Variants in MAGEB10 observed in about 807,000 individuals in gnomAD.
MAGEB10 encodes the protein melanoma-associated antigen B10.
For synonymous variants in MAGEB10, 99 were observed against 101.0 expected, an observed-to-expected ratio of 0.98 and a Z score of 0.12; for missense variants, 190 against 261.9, an observed-to-expected ratio of 0.73 and a Z score of 1.89.
intron 2 of MAGEB10, 113 bp downstream of exon 2, chrX:27,817,815 C>T (rs1923808259): frequency 8.9e-6 from 1 of 111,924 alleles, no homozygotes; most frequent in South Asian, 3.7e-4. Context: ...AGGATTTACT[C>T]AGAATGACAA....
At chrX:27,815,072 G>A (rs916934245) in intron 1 of MAGEB10, among the ~76,000 whole-genome samples, 1 of 111,608 alleles carries the variant, frequency 9.0e-6, no homozygotes, top group Non-Finnish European at 1.9e-5. Context: ...TTGCCCAGGT[G>A]CTGGCACCTG....
chrX:27,816,248 A>G (rs762754505), intron 1 of MAGEB10, among the ~76,000 whole-genome samples: 1 of 111,407 alleles, frequency 9.0e-6, no homozygotes, highest in Non-Finnish European at 1.9e-5. Context: ...AATTTTAATT[A>G]TATTTGCAAA....
intron 1 of MAGEB10, among the ~76,000 whole-genome samples, chrX:27,816,639 A>G (rs1377135600): frequency 8.9e-6 from 1 of 112,048 alleles, no homozygotes; most frequent in Non-Finnish European, 1.9e-5. Flanking sequence ...GGTGTTATTG[A>G]GTGCAGCGGG....
chrX:27,820,775 C>T (rs1569213015), intron 2 of MAGEB10, among the ~76,000 whole-genome samples: 1 of 110,814 alleles, frequency 9.0e-6, no homozygotes, highest in Admixed American at 9.6e-5. Context: ...ACTAAGGATC[C>T]CAGAATATAG....
intron 2 of MAGEB10, among the ~76,000 whole-genome samples, chrX:27,819,364 G>T (rs930981722): frequency 9.0e-6 from 1 of 111,486 alleles, no homozygotes; most frequent in Non-Finnish European, 1.9e-5. Context: ...GGCTAGAATT[G>T]GCTTCCCCAA....
chrX:27,821,714 T>C lies in MAGEB10; in HGVS notation c.408T>C (p.Asp136=), dbSNP rs1923892920. 3 of 1,211,856 alleles carry C rather than the reference T, an allele frequency of 2.5e-6. No homozygotes were observed. Among genetic ancestry groups the C allele is most frequent in the Non-Finnish European group, 3.3e-6 (3 of 895,588 alleles). ...YQMKEPITKA[D]MLRNVTQMSK... ...TGAAAGAGCCCATTACAAAGGCAGA[T>C]ATGCTGAGAAATGTAACCCAAATGT... The change falls in exon 3 of 3, where the codon GAT becomes GAC. Residue 136 remains aspartate (D), a synonymous_variant. Coordinates refer to ENST00000356790, the MANE Select transcript of MAGEB10 (RefSeq NM_182506.3).
At chrX:27,817,990 C>T (rs1010188010) in intron 2 of MAGEB10, among the ~76,000 whole-genome samples, 5 of 110,569 alleles carry the variant, frequency 4.5e-5, no homozygotes, top group East Asian at 5.7e-4. Flanking sequence ...CAGAGTTCAG[C>T]GTGGGGTAGC....
chrX:27,819,338 G>C (rs866365845), intron 2 of MAGEB10, among the ~76,000 whole-genome samples: 22 of 111,246 alleles, frequency 2.0e-4, no homozygotes, highest in South Asian at 7.7e-4. Flanking sequence ...CTCAGCACTG[G>C]GTCCCATATG....
At chrX:27,809,191 A>T (rs774171449) in intron 1 of MAGEB10, among the ~76,000 whole-genome samples, 2 of 110,725 alleles carry the variant, frequency 1.8e-5, no homozygotes, top group East Asian at 6.0e-4. Flanking sequence ...GGGACAGCGC[A>T]AGTTCCCGGT....
chrX:27,810,258 G>A (rs1923651571), intron 1 of MAGEB10, among the ~76,000 whole-genome samples: 1 of 111,739 alleles, frequency 8.9e-6, no homozygotes, highest in African/African-American at 3.3e-5. Context: ...ACGAGCGAAG[G>A]TCTGCAGCTT....
At chrX:27,818,015 G>C (rs930604572) in intron 2 of MAGEB10, among the ~76,000 whole-genome samples, 1 of 110,636 alleles carries the variant, frequency 9.0e-6, no homozygotes, top group Non-Finnish European at 1.9e-5. Flanking sequence ...GGACAAGAAG[G>C]AGTAAAGATG....
chrX:27,810,575 C>T (rs775264927), intron 1 of MAGEB10, among the ~76,000 whole-genome samples: 2 of 111,310 alleles, frequency 1.8e-5, no homozygotes, highest in Admixed American at 9.5e-5. Context: ...GCCCAGGTGA[C>T]CCCTCGCTTC....
At chrX:27,808,498 G>A (rs892551351) in intron 1 of MAGEB10, among the ~76,000 whole-genome samples, 5 of 111,598 alleles carry the variant, frequency 4.5e-5, no homozygotes, top group Admixed American at 9.4e-5. Context: ...GCAGTGAGGC[G>A]GTTGGTATCT....
chrX:27,821,733 C>G lies in MAGEB10; in HGVS notation c.427C>G (p.Gln143Glu), dbSNP rs759188030. ...TKADMLRNVT[Q>E]MSKSQFPVIL... ...GGCAGATATGCTGAGAAATGTAACC[C>G]AAATGTCCAAGAGCCAGTTCCCTGT... The change falls in exon 3 of 3, where the codon CAA (glutamine) becomes GAA (glutamate). Residue 143 changes from glutamine to glutamate, a missense_variant. Gln to Glu is a conservative substitution (Grantham distance 29). Coordinates refer to ENST00000356790, the MANE Select transcript of MAGEB10 (RefSeq NM_182506.3). 4.1e-6 allele frequency: 5 copies of G among 1,209,980 alleles called. No homozygotes were observed. The highest frequency in any genetic ancestry group is 5.6e-6 in the Non-Finnish European group (5 of 895,309).
At chrX:27,818,079 A>T (rs1018048176) in intron 2 of MAGEB10, among the ~76,000 whole-genome samples, 2 of 111,254 alleles carry the variant, frequency 1.8e-5, no homozygotes, top group African/African-American at 6.6e-5. Context: ...GCAATCTCTG[A>T]ATCATCATTA....
chrX:27,815,590 C>T (rs780614183), intron 1 of MAGEB10, among the ~76,000 whole-genome samples: 2 of 112,018 alleles, frequency 1.8e-5, no homozygotes, highest in Admixed American at 1.9e-4. Context: ...CACTAGTGAG[C>T]TTAAGTGAAT....
Position 27,810,506 on chromosome X carries a change from G to T in MAGEB10, c.-199+2470G>T, listed in dbSNP as rs187751571. On this transcript the variant is annotated intron_variant, in intron 1 of 2. Transcript: ENST00000356790. ...GAAACTAGCTTCCCATAAAGATGGC[G>T]GCCTTAGAGAATCCTGCCCTTCCTG... 2.0e-3 allele frequency among the ~76,000 whole-genome samples: 218 copies of T among 111,548 alleles called. 1 individual carries two copies. Among genetic ancestry groups the T allele is most frequent in the African/African-American group, 6.8e-3 (210 of 30,707 alleles).
chrX:27,821,315 A>C lies in MAGEB10; in HGVS notation c.9A>C (p.Arg3=), dbSNP rs1159214010. MP[R]GQKSKLRARE... ...ACCTGAACAGAGTCATCATGCCTCG[A>C]GGTCAGAAGAGTAAACTCCGTGCCA... The change falls in exon 3 of 3, where the codon CGA becomes CGC. Residue 3 remains arginine, a synonymous_variant. Coordinates refer to ENST00000356790, the MANE Select transcript of MAGEB10 (RefSeq NM_182506.3). 5.8e-6 allele frequency: 7 copies of C among 1,206,693 alleles called. No individual in the cohort carries two copies. Among genetic ancestry groups the C allele is most frequent in the Admixed American group, 4.4e-5 (2 of 45,910 alleles).
intron 2 of MAGEB10, among the ~76,000 whole-genome samples, chrX:27,820,513 A>G (rs1392285093): frequency 1.8e-5 from 2 of 110,919 alleles, no homozygotes; most frequent in African/African-American, 6.6e-5. Context: ...TAAGAAGAGT[A>G]AAAAGAATCC....
Sources: allele counts gnomAD v4.1 joint callset (sites outside exome capture counted in the v4.1 genomes callset), GRCh38; gene constraint gnomAD v4.1.1; transcripts MANE v1.5; gene names NCBI Gene and HGNC (gene_info 2026-07-23, HGNC 2026-07-21).